Variants in KIF6 observed in about 807,000 individuals in gnomAD.
KIF6 encodes the protein kinesin-like protein KIF6.
KIF6 carries 106 observed loss-of-function variants against 112.7 expected under a neutral mutation model. The observed-to-expected ratio is 0.94, with a 90% CI of 0.80 to 1.11. The LOEUF is 1.11. Ranked by LOEUF, KIF6 falls within the 50% of genes least tolerant of loss-of-function variation. The pLI is 0.00. For synonymous variants in KIF6, 339 were observed against 339.9 expected, an observed-to-expected ratio of 1.00 and a Z score of 0.03; for missense variants, 929 against 964.0, an observed-to-expected ratio of 0.96 and a Z score of 0.48.
At chr6:39,337,219 C>CTT (rs1198128146) in intron 22 of KIF6, among the ~76,000 whole-genome samples, 9 of 95,524 alleles carry the variant, frequency 9.4e-5, no homozygotes, top group Admixed American at 3.2e-4. Flanking sequence ...TTCTTTCTTT[C>CTT]TTTCTTTCTT....
At chr6:39,455,713 C>A (rs370786808) in intron 13 of KIF6, among the ~76,000 whole-genome samples, 1 of 151,140 alleles carries the variant, frequency 6.6e-6, no homozygotes, top group South Asian at 2.1e-4. Flanking sequence ...TCGAGAACTA[C>A]GTGAAGAATG....
intron 10 of KIF6, among the ~76,000 whole-genome samples, chr6:39,575,472 A>T (rs183719964): frequency 6.6e-6 from 1 of 151,918 alleles, no homozygotes. Flanking sequence ...GGGTTTCACC[A>T]TGTTGGCCAG....
chr6:39,580,978 T>C (rs559566258), intron 9 of KIF6, among the ~76,000 whole-genome samples: 6 of 152,250 alleles, frequency 3.9e-5, no homozygotes, highest in Admixed American at 1.3e-4. Context: ...TAGTTCATGA[T>C]AGTACATGTC....
chr6:39,701,131 T>G (rs899608880), intron 3 of KIF6, among the ~76,000 whole-genome samples: 27 of 152,408 alleles, frequency 1.8e-4, no homozygotes, highest in African/African-American at 4.8e-4. Context: ...GATGTTAACA[T>G]GCACACTTTA....
chr6:39,569,258 G>T (rs903196302), intron 10 of KIF6, among the ~76,000 whole-genome samples: 1 of 152,140 alleles, frequency 6.6e-6, no homozygotes, highest in Non-Finnish European at 1.5e-5. Context: ...CTAAAAGACT[G>T]GTTTGGTATC....
intron 3 of KIF6, among the ~76,000 whole-genome samples, chr6:39,671,283 A>T (rs1217616123): frequency 6.6e-6 from 1 of 152,220 alleles, no homozygotes; most frequent in Non-Finnish European, 1.5e-5. Context: ...TTTGCAATGA[A>T]TGTCCCATTT....
intron 10 of KIF6, chr6:39,554,060 A>G (rs1779548177): frequency 6.4e-6 from 1 of 156,200 alleles, no homozygotes; most frequent in Admixed American, 6.5e-5. Flanking sequence ...ATCAGTGGAA[A>G]GGCATGGGGC....
intron 15 of KIF6, among the ~76,000 whole-genome samples, chr6:39,407,791 CA>C (rs780762355): frequency 4.6e-5 from 7 of 152,112 alleles, no homozygotes; most frequent in Admixed American, 1.3e-4. Context: ...CTGAAATCAC[CA>C]TCTCTAGTTT....
intron 22 of KIF6, among the ~76,000 whole-genome samples, chr6:39,341,540 C>T (rs2113890997): frequency 6.6e-6 from 1 of 152,236 alleles, no homozygotes; most frequent in African/African-American, 2.4e-5. Context: ...CTTCAGACAC[C>T]AACCAGACAT....
chr6:39,721,888 A>C (rs967862460), intron 1 of KIF6, among the ~76,000 whole-genome samples: 1 of 151,658 alleles, frequency 6.6e-6, no homozygotes, highest in African/African-American at 2.4e-5. Context: ...TTCCTGTTTA[A>C]GACCCATTTA....
rs147480680 is a variant in KIF6 at position 39,370,735 on chromosome 6, A to G, written c.1862-8217T>C. 2.4e-3 allele frequency among the ~76,000 whole-genome samples: 361 copies of G among 151,984 alleles called. 2 individuals are homozygous for G. The highest frequency in any genetic ancestry group is 8.3e-3 in the African/African-American group (342 of 41,444). On this transcript the variant is annotated intron_variant, in intron 16 of 22. Transcript: ENST00000287152. Reference sequence around the variant, plus strand: ...CTCCTTGGGGGTGGTGTGTGTGGAGATGCTTCTTCCTCCCTCAGGGGCAGT... The same window carrying G: ...CTCCTTGGGGGTGGTGTGTGTGGAGGTGCTTCTTCCTCCCTCAGGGGCAGT...
intron 13 of KIF6, among the ~76,000 whole-genome samples, chr6:39,486,761 G>A (rs1775137378): frequency 6.6e-6 from 1 of 152,224 alleles, no homozygotes; most frequent in African/African-American, 2.4e-5. Flanking sequence ...TTCTGAACCT[G>A]TGAGTGATCA....
chr6:39,443,605 G>A (rs1208294328), intron 13 of KIF6, among the ~76,000 whole-genome samples: 1 of 151,948 alleles, frequency 6.6e-6, no homozygotes, highest in East Asian at 1.9e-4. Context: ...CACCACACCT[G>A]GTTAATTTTT....
intron 21 of KIF6, among the ~76,000 whole-genome samples, chr6:39,344,998 C>T (rs554538609): frequency 4.6e-5 from 7 of 152,364 alleles, no homozygotes; most frequent in East Asian, 3.9e-4. Context: ...TCCCCCATCC[C>T]CTTTTCCATC....
chr6:39,567,642 C>G (rs1780370134), intron 10 of KIF6, among the ~76,000 whole-genome samples: 1 of 150,642 alleles, frequency 6.6e-6, no homozygotes, highest in African/African-American at 2.5e-5. Context: ...GAGTCTCGCT[C>G]TGTCGCCCAG....
intron 15 of KIF6, among the ~76,000 whole-genome samples, chr6:39,393,160 C>T (rs1237035531): frequency 6.6e-6 from 1 of 152,168 alleles, no homozygotes; most frequent in African/African-American, 2.4e-5. Flanking sequence ...CTATCATTCA[C>T]AGGTGAGGGC....
chr6:39,345,092 C>A lies in KIF6; in HGVS notation c.2321+608G>T, dbSNP rs556531506. Among the ~76,000 whole-genome samples the A allele has an allele frequency of 2.6e-5, 4 of 152,382 alleles. No individual in the cohort carries two copies. In the East Asian group the frequency reaches 7.7e-4, roughly 29 times the overall value. On this transcript the variant is annotated intron_variant, in intron 21 of 22. Transcript: ENST00000287152. ...TTGCCAACTTTCCGTCCATCCTCACCCCTGTGCCTCTGCACAGCAGGAGGT... is the reference window on the plus strand; with the variant it reads ...TTGCCAACTTTCCGTCCATCCTCACACCTGTGCCTCTGCACAGCAGGAGGT...
intron 10 of KIF6, among the ~76,000 whole-genome samples, chr6:39,574,946 GACA>G (rs1780856830): frequency 1.3e-5 from 2 of 152,078 alleles, no homozygotes. Context: ...AGTTCTTAAT[GACA>G]ACAACTATAT....
At chr6:39,437,890 G>A (rs188071459) in intron 13 of KIF6, among the ~76,000 whole-genome samples, 21 of 152,126 alleles carry the variant, frequency 1.4e-4, no homozygotes, top group Admixed American at 2.6e-4. Context: ...AAAATATTGC[G>A]TATATAATTA....
Sources: gnomAD v4.1 joint callset for allele counts (sites outside exome capture counted in the v4.1 genomes callset) on GRCh38, gnomAD v4.1.1 for gene constraint, MANE v1.5 for transcripts, NCBI Gene and HGNC (gene_info 2026-07-23, HGNC 2026-07-21) for gene names.